CAMKMT: variants seen among roughly 807,000 people sequenced by gnomAD.
CAMKMT encodes the protein calmodulin-lysine N-methyltransferase.
Under a neutral mutation model 48.0 loss-of-function variants are expected in CAMKMT, and 53 were observed. The ratio of observed to expected loss-of-function variants is 1.10; its 90% confidence interval spans 0.89 to 1.39. The LOEUF (loss-of-function observed/expected upper bound fraction) is 1.39, where lower values mean the gene tolerates loss of function less well. CAMKMT is among the 40% of genes most tolerant of loss of function. CAMKMT has a pLI of 0.00. For missense variants in CAMKMT, 428 were observed against 402.7 expected (o/e 1.06, Z -0.54); for synonymous variants, 165 against 152.3 (o/e 1.08, Z -0.61).
chr2:44,654,436 T>A (rs948262481), intron 3 of CAMKMT, among the ~76,000 whole-genome samples: 3 of 152,210 alleles, frequency 2.0e-5, no homozygotes, highest in African/African-American at 7.2e-5. Flanking sequence ...AGCCAAAGAT[T>A]AACTGTTAAC....
intron 7 of CAMKMT, among the ~76,000 whole-genome samples, chr2:44,725,686 G>T (rs1320505888): frequency 2.0e-5 from 3 of 152,158 alleles, no homozygotes; most frequent in Non-Finnish European, 2.9e-5. Flanking sequence ...AAGTAGAAAA[G>T]ATGTGTCCAG....
At chr2:44,511,021 A>G (rs1670518790) in intron 3 of CAMKMT, among the ~76,000 whole-genome samples, 1 of 151,876 alleles carries the variant, frequency 6.6e-6, no homozygotes. Context: ...TTGTATTTTT[A>G]GTAGAGACGG....
chr2:44,458,552 AG>A (rs1305142581), intron 3 of CAMKMT, among the ~76,000 whole-genome samples: 1 of 152,198 alleles, frequency 6.6e-6, no homozygotes, highest in African/African-American at 2.4e-5. Flanking sequence ...GTCTGCTTTC[AG>A]GGGTTTGTGC....
At chr2:44,444,980 G>A (rs1388247783) in intron 3 of CAMKMT, among the ~76,000 whole-genome samples, 1 of 152,054 alleles carries the variant, frequency 6.6e-6, no homozygotes, top group African/African-American at 2.4e-5. Context: ...CAAAGCCCTG[G>A]GAAAGAAAAC....
chr2:44,595,915 G>A (rs765112945), intron 3 of CAMKMT, among the ~76,000 whole-genome samples: 2 of 150,584 alleles, frequency 1.3e-5, no homozygotes, highest in African/African-American at 2.4e-5. Context: ...GTTCTCACTC[G>A]TAAGTGGGAG....
At chr2:44,384,735 G>A (rs989869696) in intron 2 of CAMKMT, among the ~76,000 whole-genome samples, 32 of 151,882 alleles carry the variant, frequency 2.1e-4, no homozygotes, top group African/African-American at 7.3e-4. Context: ...TGTTGAAAAG[G>A]GTGTCCTTTC....
intron 3 of CAMKMT, among the ~76,000 whole-genome samples, chr2:44,501,696 G>A (rs766868683): frequency 2.6e-5 from 4 of 152,114 alleles, no homozygotes; most frequent in Non-Finnish European, 5.9e-5. Flanking sequence ...GGTGCAGTTC[G>A]AATGTTTGAA....
chr2:44,661,681 C>T (rs2104085539), intron 3 of CAMKMT, among the ~76,000 whole-genome samples: 1 of 152,264 alleles, frequency 6.6e-6, no homozygotes, highest in Non-Finnish European at 1.5e-5. Flanking sequence ...TTTCTCTTTC[C>T]ATGAAAGAAC....
At chr2:44,650,714 C>T (rs953259509) in intron 3 of CAMKMT, among the ~76,000 whole-genome samples, 13 of 152,130 alleles carry the variant, frequency 8.5e-5, no homozygotes, top group Non-Finnish European at 5.9e-5. Flanking sequence ...AAAATGTACA[C>T]ATGTGTTAAA....
chr2:44,537,704 C>T lies in CAMKMT; in HGVS notation c.376+147399C>T, dbSNP rs553737999. On this transcript the variant is annotated intron_variant, in intron 3 of 10. Coordinates refer to ENST00000378494, the MANE Select transcript of CAMKMT (RefSeq NM_024766.5). ...TCAGCCTCCCAAGTAGCTGGTACTA[C>T]GGGCATGTGCCAACACGGTCAGCTA... Among the ~76,000 whole-genome samples, 73 of 152,216 alleles carry T rather than the reference C, an allele frequency of 4.8e-4. 1 individual carries two copies. Among genetic ancestry groups the T allele is most frequent in the East Asian group, 9.7e-4 (5 of 5,172 alleles).
chr2:44,484,125 G>T (rs1669101026), intron 3 of CAMKMT, among the ~76,000 whole-genome samples: 1 of 151,828 alleles, frequency 6.6e-6, no homozygotes, highest in African/African-American at 2.4e-5. Context: ...ATGATCTGAA[G>T]CCATTGGCAG....
chr2:44,528,551 T>C (rs186165264), intron 3 of CAMKMT, among the ~76,000 whole-genome samples: 1 of 152,330 alleles, frequency 6.6e-6, no homozygotes, highest in Admixed American at 6.5e-5. Flanking sequence ...ACTGTAATAC[T>C]GCTAATTCCT....
intron 3 of CAMKMT, among the ~76,000 whole-genome samples, chr2:44,678,728 A>G (rs1675858360): frequency 6.6e-6 from 1 of 152,086 alleles, no homozygotes; most frequent in East Asian, 1.9e-4. Flanking sequence ...GAATGTTTGT[A>G]TATTGTCTTC....
At chr2:44,741,952 A>G (rs954457613) in intron 7 of CAMKMT, among the ~76,000 whole-genome samples, 1 of 152,240 alleles carries the variant, frequency 6.6e-6, no homozygotes, top group Non-Finnish European at 1.5e-5. Context: ...TGGTAAGATT[A>G]TGAGTAATTT....
intron 3 of CAMKMT, among the ~76,000 whole-genome samples, chr2:44,594,607 A>G (rs1287891256): frequency 1.3e-5 from 2 of 152,230 alleles, no homozygotes; most frequent in Non-Finnish European, 2.9e-5. Flanking sequence ...CTGGCTAGCC[A>G]TATGCAGGAA....
At chr2:44,654,014 C>G (rs964346312) in intron 3 of CAMKMT, among the ~76,000 whole-genome samples, 15 of 152,118 alleles carry the variant, frequency 9.9e-5, no homozygotes, top group African/African-American at 3.6e-4. Flanking sequence ...TTAATTGACT[C>G]TGGACAAATA....
intron 3 of CAMKMT, among the ~76,000 whole-genome samples, chr2:44,619,377 A>C (rs1672055149): frequency 6.6e-6 from 1 of 152,176 alleles, no homozygotes; most frequent in Non-Finnish European, 1.5e-5. Flanking sequence ...TTACCTGGCA[A>C]ATAACTTAAA....
At chr2:44,762,970 A>G (rs1680679225) in intron 9 of CAMKMT, among the ~76,000 whole-genome samples, 1 of 152,238 alleles carries the variant, frequency 6.6e-6, no homozygotes, top group Admixed American at 6.5e-5. Flanking sequence ...TGATGGGCTA[A>G]TTTGAAATCC....
intron 2 of CAMKMT, among the ~76,000 whole-genome samples, 176 bp from the exon 3 acceptor site, chr2:44,390,065 T>C (rs1318386937): frequency 1.3e-5 from 2 of 152,224 alleles, no homozygotes; most frequent in African/African-American, 2.4e-5. Flanking sequence ...CTGAGGACCA[T>C]ACTGTTATTT....
Sources: allele counts gnomAD v4.1 joint callset (sites outside exome capture counted in the v4.1 genomes callset), GRCh38; gene constraint gnomAD v4.1.1; transcripts MANE v1.5; gene names NCBI Gene and HGNC (gene_info 2026-07-23, HGNC 2026-07-21).